Variants in MTCL1 observed in about 807,000 individuals in gnomAD.
The protein encoded by MTCL1 is microtubule cross-linking factor 1.
A neutral mutation model predicts 141.4 loss-of-function variants in MTCL1; 79 were observed. The observed-to-expected ratio is 0.56, with a 90% CI of 0.47 to 0.67. The LOEUF is 0.67. Ranked by LOEUF, MTCL1 falls within the 30% of genes least tolerant of loss-of-function variation. MTCL1 has a pLI of 0.00. For missense variants in MTCL1, 2,177 were observed against 2,113.9 expected (o/e 1.03, Z -0.59); for synonymous variants, 914 against 875.8 (o/e 1.04, Z -0.77).
intron 3 of MTCL1, among the ~76,000 whole-genome samples, chr18:8,719,279 T>C (rs377498146): frequency 1.1e-4 from 17 of 152,380 alleles, no homozygotes; most frequent in African/African-American, 4.1e-4. Context: ...TTATGCATAC[T>C]GTTCTCTTTA....
intron 4 of MTCL1, among the ~76,000 whole-genome samples, chr18:8,729,228 G>A (rs1027262799): frequency 3.7e-5 from 5 of 135,296 alleles, no homozygotes; most frequent in Non-Finnish European, 4.6e-5. Flanking sequence ...GCTAATTTCC[G>A]TATTTTTTGG....
chr18:8,826,225 C>A (rs1173054923), exon 15 of MTCL1: 2 of 1,594,166 alleles, frequency 1.3e-6, no homozygotes, highest in African/African-American at 2.7e-5. Context: ...GAGCCAGGGC[C>A]CATGGAGGTA....
chr18:8,826,889 G>A (rs767994754), intron 15 of MTCL1, among the ~76,000 whole-genome samples: 1 of 152,204 alleles, frequency 6.6e-6, no homozygotes, highest in Non-Finnish European at 1.5e-5. Flanking sequence ...TCAATCCACT[G>A]TGAATTGGGT....
upstream of MTCL1, among the ~76,000 whole-genome samples, chr18:8,713,053 T>C (rs891858030): frequency 3.3e-5 from 5 of 152,180 alleles, no homozygotes; most frequent in Non-Finnish European, 5.9e-5. Flanking sequence ...AAACTATCCT[T>C]TTAGAGGTTT....
upstream of MTCL1, among the ~76,000 whole-genome samples, chr18:8,714,522 C>T (rs2148780148): frequency 6.6e-6 from 1 of 152,254 alleles, no homozygotes; most frequent in East Asian, 1.9e-4. Context: ...GGGGAGGCCT[C>T]ACAATCATGG....
chr18:8,786,143 T>G, intron 7 of MTCL1, 52 bp downstream of exon 6: 1 of 1,433,476 alleles, frequency 7.0e-7, no homozygotes, highest in Non-Finnish European at 9.4e-7. Flanking sequence ...CCTTTTTCTG[T>G]GTGGCTGGCT....
exon 6 of MTCL1, chr18:8,784,814 C>T: frequency 1.2e-6 from 2 of 1,605,188 alleles, no homozygotes; most frequent in Non-Finnish European, 1.7e-6. Flanking sequence ...CATCGGGAAC[C>T]TGGGGAAGGA....
At chr18:8,819,147 A>T in exon 13 of MTCL1, 1 of 1,614,258 alleles carries the variant, frequency 6.2e-7, no homozygotes, top group Non-Finnish European at 8.5e-7. Flanking sequence ...AAGGAGTCGG[A>T]CAGGTGCTCG....
chr18:8,763,241 G>C (rs1238749925), intron 4 of MTCL1, among the ~76,000 whole-genome samples: 1 of 152,248 alleles, frequency 6.6e-6, no homozygotes, highest in Non-Finnish European at 1.5e-5. Flanking sequence ...TAGAAATCAA[G>C]GAAGAGGAAA....
chr18:8,751,206 C>T lies in MTCL1; in HGVS notation c.358-26627C>T, dbSNP rs556238266. Among the ~76,000 whole-genome samples, 494 of 152,328 alleles carry T rather than the reference C, an allele frequency of 3.2e-3. 4 individuals are homozygous for T. Among genetic ancestry groups the T allele is most frequent in the African/African-American group, 0.012 (486 of 41,562 alleles). On this transcript the variant is annotated intron_variant, in intron 4 of 16. Coordinates refer to ENST00000359865, the Ensembl canonical transcript of MTCL1. ...GGCTCAGGCTGCTGATGACTTTGCACTTTCACTTGGATGTTTATGTAGAAT... is the reference window on the plus strand; with the variant it reads ...GGCTCAGGCTGCTGATGACTTTGCATTTTCACTTGGATGTTTATGTAGAAT...
At chr18:8,831,882 A>G in exon 17 of MTCL1, 1 of 1,474,256 alleles carries the variant, frequency 6.8e-7, no homozygotes, top group Non-Finnish European at 9.2e-7. Flanking sequence ...ACTCTGCCCA[A>G]CAGGAGAGAT....
At chr18:8,743,757 T>C (rs2096318461) in intron 4 of MTCL1, among the ~76,000 whole-genome samples, 1 of 152,244 alleles carries the variant, frequency 6.6e-6, no homozygotes, top group African/African-American at 2.4e-5. Context: ...TCCACCTACA[T>C]AATGCAGGAT....
At chr18:8,772,362 G>A (rs1395613188) in intron 4 of MTCL1, among the ~76,000 whole-genome samples, 2 of 152,180 alleles carry the variant, frequency 1.3e-5, no homozygotes, top group African/African-American at 2.4e-5. Context: ...CCACATAGGA[G>A]ATCTGTGATA....
At chr18:8,770,929 G>C (rs527972510) in intron 4 of MTCL1, among the ~76,000 whole-genome samples, 1 of 152,036 alleles carries the variant, frequency 6.6e-6, no homozygotes, top group Non-Finnish European at 1.5e-5. Context: ...AACTATTAAA[G>C]GGATAGGTGA....
intron 4 of MTCL1, among the ~76,000 whole-genome samples, chr18:8,728,720 CTTTTTTTT>C (rs34524200): frequency 6.8e-5 from 4 of 59,038 alleles, no homozygotes; most frequent in African/African-American, 2.0e-4. Flanking sequence ...GTTGTCCATT[CTTTTTTTT>C]TTTTTTTTTT....
At chr18:8,719,598 T>A (rs895303264) in intron 3 of MTCL1, among the ~76,000 whole-genome samples, 2 of 152,230 alleles carry the variant, frequency 1.3e-5, no homozygotes, top group African/African-American at 4.8e-5. Flanking sequence ...AATCTTGCTC[T>A]GTCACCCAGG....
chr18:8,786,520 C>G (rs1388227609), intron 7 of MTCL1: 2 of 369,164 alleles, frequency 5.4e-6, no homozygotes, highest in African/African-American at 4.2e-5. Flanking sequence ...TGTGACCATC[C>G]CACGGTCTCG....
At chr18:8,814,287 G>T (rs1222011100) in intron 12 of MTCL1, among the ~76,000 whole-genome samples, 1 of 152,120 alleles carries the variant, frequency 6.6e-6, no homozygotes, top group African/African-American at 2.4e-5. Flanking sequence ...TACACCGCAG[G>T]TGAGCTATGA....
At chr18:8,715,320 G>A (rs556821941), upstream of MTCL1, among the ~76,000 whole-genome samples, 41 of 152,312 alleles carry the variant, frequency 2.7e-4, 1 homozygote, top group Admixed American at 1.4e-3. Flanking sequence ...ATACCTGGAA[G>A]CTGTATCTTG....
Sources: allele counts gnomAD v4.1 joint callset (sites outside exome capture counted in the v4.1 genomes callset), GRCh38; gene constraint gnomAD v4.1.1; transcripts MANE v1.5; gene names NCBI Gene and HGNC (gene_info 2026-07-23, HGNC 2026-07-21).